Variants in CCDC15 observed in about 807,000 individuals in gnomAD.
CCDC15 encodes the protein coiled-coil domain-containing protein 15.
CCDC15 carries 105 observed loss-of-function variants against 114.5 expected under a neutral mutation model. That is an observed-to-expected ratio of 0.92 (90% CI 0.78 to 1.08). The LOEUF is 1.08. Ranked by LOEUF, CCDC15 falls within the 50% of genes least tolerant of loss-of-function variation. The probability of loss-of-function intolerance (pLI) is 0.00; values close to 1 mark genes in which losing one functional copy is unlikely to be tolerated. For missense variants in CCDC15, 1,105 were observed against 1,093.6 expected (o/e 1.01, Z -0.15); for synonymous variants, 334 against 377.8 (o/e 0.88, Z 1.34).
chr11:124,978,937 C>T (rs1183123046), intron 6 of CCDC15, among the ~76,000 whole-genome samples: 2 of 151,926 alleles, frequency 1.3e-5, no homozygotes, highest in African/African-American at 2.4e-5. Context: ...TTAGGTTTTA[C>T]ATTTAAGTCT....
intron 13 of CCDC15, among the ~76,000 whole-genome samples, chr11:125,018,542 G>A (rs1354537103): frequency 6.6e-6 from 1 of 152,002 alleles, no homozygotes; most frequent in African/African-American, 2.4e-5. Context: ...AGAACATGGG[G>A]AGATATGTTT....
intron 11 of CCDC15, among the ~76,000 whole-genome samples, chr11:124,996,506 C>T (rs1186043286): frequency 6.6e-6 from 1 of 152,178 alleles, no homozygotes; most frequent in African/African-American, 2.4e-5. Context: ...AGCATTTATA[C>T]ACATGTAAAT....
At chr11:125,035,774 C>T (rs1428771860) in intron 13 of CCDC15, among the ~76,000 whole-genome samples, 1 of 152,066 alleles carries the variant, frequency 6.6e-6, no homozygotes, top group African/African-American at 2.4e-5. Flanking sequence ...ATGAGGCTTG[C>T]AAATAATATC....
chr11:124,969,031 A>G (rs1013315933), intron 4 of CCDC15, among the ~76,000 whole-genome samples: 4 of 152,120 alleles, frequency 2.6e-5, no homozygotes, highest in African/African-American at 9.7e-5. Context: ...ATCTGAGAGC[A>G]CTTCAAGTAT....
chr11:124,958,875 TTAGAAAATGTGTA>T (rs1439813886), intron 2 of CCDC15, among the ~76,000 whole-genome samples: 1 of 152,240 alleles, frequency 6.6e-6, no homozygotes, highest in Non-Finnish European at 1.5e-5. Flanking sequence ...TTACTCCATT[TTAGAAAATGTGTA>T]ACGTGTTAGG....
In CCDC15 at chr11:125,041,045, G is replaced by A. The variant is rs1017921976; in HGVS notation, c.*334G>A. On this transcript the variant is annotated 3_prime_UTR_variant, in exon 16 of 16. Transcript: ENST00000344762. ...TCTTATTTATCATCTTTCTAAAACT[G>A]TGTTTTTGAGCTTGACAGTACTGAA... is the stretch of plus-strand genomic sequence containing the variant. 1.7e-4 allele frequency: 31 copies of A among 178,224 alleles called. No individual in the cohort carries two copies. Among genetic ancestry groups the A allele is most frequent in the East Asian group, 1.4e-4 (1 of 7,054 alleles). The allele number at this position is 178,224 out of a possible 1,614,324, so 11.0% of individuals were successfully genotyped here.
At chr11:125,005,011 T>G in intron 12 of CCDC15, 98 bp from the exon 13 acceptor site, 1 of 555,080 alleles carries the variant, frequency 1.8e-6, no homozygotes, top group Non-Finnish European at 3.2e-6. Flanking sequence ...TGTTTCTGTT[T>G]GCTTGCATTT....
chr11:124,974,135 C>T (rs191560916), intron 4 of CCDC15, among the ~76,000 whole-genome samples: 102 of 151,954 alleles, frequency 6.7e-4, no homozygotes, highest in East Asian at 4.1e-3. Context: ...CCACCATGCC[C>T]GGCTAATTTT....
intron 6 of CCDC15, among the ~76,000 whole-genome samples, chr11:124,981,832 G>T (rs1948077111): frequency 6.6e-6 from 1 of 152,154 alleles, no homozygotes; most frequent in South Asian, 2.1e-4. Flanking sequence ...TGTTGGCCAG[G>T]CTGGTTTTGA....
intron 13 of CCDC15, among the ~76,000 whole-genome samples, chr11:125,032,034 A>G (rs147382053): frequency 0.03 from 4,575 of 152,336 alleles, 115 homozygotes; most frequent in East Asian, 0.094. Flanking sequence ...TTACTGAGGT[A>G]GAAGTTCCCT....
rs771158312 is a variant in CCDC15 at position 124,987,790 on chromosome 11, A to C, written c.1564A>C (p.Asn522His). 1.2e-6 allele frequency: 2 copies of C among 1,605,152 alleles called. No homozygotes were observed. Among genetic ancestry groups the C allele is most frequent in the South Asian group, 2.2e-5 (2 of 90,358 alleles). Residue 522 changes from asparagine to histidine, a missense_variant, in exon 8 of 16, where the codon AAT (asparagine) becomes CAT (histidine). Physicochemically the swap from Asn to His is moderately conservative, Grantham distance 68. Transcript: ENST00000344762. ...RDQHVLPKDQ[N>H]ILPKYQGQDF... is the part of the protein sequence containing the mutation. ...CCAGCATGTTCTCCCCAAAGACCAGAATATTCTACCTAAATATCAAGGCCA... is the reference window on the plus strand; with the variant it reads ...CCAGCATGTTCTCCCCAAAGACCAGCATATTCTACCTAAATATCAAGGCCA...
intron 12 of CCDC15, among the ~76,000 whole-genome samples, chr11:125,004,665 G>GTA (rs1288477172): frequency 2.6e-5 from 4 of 151,996 alleles, no homozygotes; most frequent in African/African-American, 7.2e-5. Flanking sequence ...TGAGGCTTTA[G>GTA]TATACCTCAG....
chr11:125,019,130 A>C (rs567463474), intron 13 of CCDC15, among the ~76,000 whole-genome samples: 2 of 152,134 alleles, frequency 1.3e-5, no homozygotes, highest in African/African-American at 4.8e-5. Flanking sequence ...CAGTGGCATC[A>C]TGGGGATAAG....
chr11:124,997,196 A>G (rs1469957001), intron 11 of CCDC15, among the ~76,000 whole-genome samples: 2 of 152,242 alleles, frequency 1.3e-5, no homozygotes, highest in Non-Finnish European at 2.9e-5. Context: ...GCTACAACAA[A>G]TATCGAAAAA....
At position 124,999,750 on chromosome 11, in the gene CCDC15, C is replaced by T. The variant is rs76792709; in HGVS notation, c.2215-4117C>T. ...AAGTTTTGTCTGTTAATTCAACATC[C>T]GGGTCACCCTGGAGTTGGGATCTGT... is the stretch of plus-strand genomic sequence containing the variant. On this transcript the variant is annotated intron_variant, in intron 11 of 15. Transcript: ENST00000344762. Among the ~76,000 whole-genome samples the T allele has an allele frequency of 4.6e-3, 701 of 151,650 alleles. 5 individuals carry two copies. The highest frequency in any genetic ancestry group is 0.016 in the African/African-American group (665 of 41,354).
intron 13 of CCDC15, among the ~76,000 whole-genome samples, chr11:125,011,961 T>G (rs1205360540): frequency 6.6e-6 from 1 of 152,176 alleles, no homozygotes; most frequent in Non-Finnish European, 1.5e-5. Flanking sequence ...TATTTTGTAC[T>G]GGAAGAATTT....
At chr11:125,033,085 C>T (rs977036165) in intron 13 of CCDC15, among the ~76,000 whole-genome samples, 1 of 152,186 alleles carries the variant, frequency 6.6e-6, no homozygotes, top group African/African-American at 2.4e-5. Context: ...CAGACTTCCC[C>T]TTCATTCAAG....
chr11:125,031,228 C>T (rs543333999), intron 13 of CCDC15, among the ~76,000 whole-genome samples: 95 of 152,352 alleles, frequency 6.2e-4, no homozygotes, highest in South Asian at 1.9e-3. Context: ...TGTCCACTTT[C>T]GGGTGATGCC....
At chr11:124,996,917 A>T (rs1233853834) in intron 11 of CCDC15, among the ~76,000 whole-genome samples, 2 of 152,182 alleles carry the variant, frequency 1.3e-5, no homozygotes, top group Non-Finnish European at 2.9e-5. Flanking sequence ...CTACATTTTG[A>T]TTACCCATTT....
Sources: allele counts gnomAD v4.1 joint callset (sites outside exome capture counted in the v4.1 genomes callset), GRCh38; gene constraint gnomAD v4.1.1; transcripts MANE v1.5; gene names NCBI Gene and HGNC (gene_info 2026-07-23, HGNC 2026-07-21).